Variants in LSS observed in about 807,000 individuals in gnomAD.
LSS encodes lanosterol synthase.
Under a neutral mutation model 110.3 loss-of-function variants are expected in LSS, and 90 were observed. The ratio of observed to expected loss-of-function variants is 0.82; its 90% CI spans 0.69 to 0.97. The LOEUF is 0.97. Among genes scored for constraint, LSS ranks in the 50% least tolerant of loss-of-function variants. The pLI, the probability that LSS is intolerant of heterozygous loss-of-function variation, is 0.00. For synonymous variants in LSS, 433 were observed against 400.0 expected (o/e 1.08, Z -0.98); for missense variants, 927 against 990.0 (o/e 0.94, Z 0.85).
Position 46,209,697 on chromosome 21 carries a change from T to C in LSS, c.1195-72A>G, listed in dbSNP as rs2080103840. On this transcript the variant is annotated intron_variant, in intron 12 of 21. Coordinates refer to ENST00000397728, the MANE Select transcript of LSS (RefSeq NM_002340.6). This position sits in a 1 kb window ranked among gnomAD's most constrained non-coding sequence, Gnocchi z 4.4. Reference sequence around the variant, plus strand: ...CAGCATGGCTGCGCTGGTTTCCCGATGGTCCTGGCCACATCCTGCCCCAAC... The same window carrying C: ...CAGCATGGCTGCGCTGGTTTCCCGACGGTCCTGGCCACATCCTGCCCCAAC... The C allele has an allele frequency of 2.2e-6, 3 of 1,376,104 alleles. No individual in the cohort carries two copies. Among genetic ancestry groups the C allele is most frequent in the Non-Finnish European group, 3.0e-6 (3 of 985,070 alleles). The allele number at this position is 1,376,104 out of a possible 1,614,324, so 85.2% of individuals were successfully genotyped here. A position where few individuals can be genotyped will look rare whatever the true frequency, so the allele number is the denominator to read the frequency against.
chr21:46,224,680 G>C (rs1296754458), intron 3 of LSS: 1 of 152,342 alleles, frequency 6.6e-6, no homozygotes, highest in Non-Finnish European at 1.5e-5. Context: ...GCCAGTAAAT[G>C]GTGGGGCTAG....
rs2080212061 is a variant in LSS at position 46,216,686 on chromosome 21, C to G, written c.648-162G>C. ...ATTTCCCAACCGTGCTCCTGAGGGG[C>G]ACAGTTGAACCATAGGTGCACCCTC... is the stretch of plus-strand genomic sequence containing the variant. On this transcript the variant is annotated intron_variant, in intron 6 of 21. Transcript: ENST00000397728. The surrounding 1 kb of genome is among the most constrained non-coding windows in gnomAD (Gnocchi z 4.2). 6.6e-6 allele frequency among the ~76,000 whole-genome samples: 1 copy of G among 152,174 alleles called. No individual in the cohort carries two copies. The highest frequency in any genetic ancestry group is 1.5e-5 in the Non-Finnish European group (1 of 68,042).
At position 46,209,623 on chromosome 21, in the gene LSS, C is replaced by T. The variant is rs767708407; in HGVS notation, c.1197G>A (p.Ala399=). The T allele has an allele frequency of 7.4e-5, 119 of 1,606,222 alleles. No homozygotes were observed. In the East Asian group the frequency reaches 2.4e-3, roughly 32 times the overall value. Residue 399 remains alanine, a splice_region_variant and synonymous_variant, in exon 13 of 22, where the codon GCG becomes GCA. Coordinates refer to ENST00000397728, the MANE Select transcript of LSS (RefSeq NM_002340.6). The surrounding 1 kb of genome is among the most constrained non-coding windows in gnomAD (Gnocchi z 4.4). ...AAAACTCGGGCCTGTGGTGCCCGCC[C>T]GCCTGGAAGAGACAGCAGGACAGAG... ...TAFAIQALLE[A]GGHHRPEFSS...
chr21:46,226,388 C>A (rs1216704021), intron 3 of LSS, among the ~76,000 whole-genome samples: 3 of 152,198 alleles, frequency 2.0e-5, no homozygotes, highest in Non-Finnish European at 4.4e-5. Flanking sequence ...TACCACGAGC[C>A]CTGAGAACAG....
rs564137512 is a variant in LSS at position 46,203,754 on chromosome 21, C to CA, written c.1670+2081dup. Among the ~76,000 whole-genome samples, 57 of 152,116 alleles carry CA rather than the reference C, an allele frequency of 3.7e-4. No individual in the cohort carries two copies. The East Asian group carries it at 0.01, about 28-fold the overall frequency. ...AAACCCCTGCTCCATCCACGGCTTC[C>CA]AAAAAAACCACACCAGAACATTCTC... On this transcript the variant is annotated intron_variant, in intron 17 of 21. Transcript: ENST00000397728.
chr21:46,197,076 C>T (rs1292341555), intron 17 of LSS, among the ~76,000 whole-genome samples: 2 of 152,256 alleles, frequency 1.3e-5, no homozygotes, highest in Non-Finnish European at 2.9e-5. Flanking sequence ...GCCTGGACTT[C>T]TGACACACAG....
intron 3 of LSS, among the ~76,000 whole-genome samples, chr21:46,226,135 C>CA (rs60505491): frequency 0.076 from 10,330 of 136,380 alleles, 372 homozygotes; most frequent in East Asian, 0.1. Context: ...AACGCTGTCT[C>CA]AAAAAAAAAA....
chr21:46,218,095 C>T (rs1227047354), intron 6 of LSS, among the ~76,000 whole-genome samples: 2 of 119,504 alleles, frequency 1.7e-5, no homozygotes, highest in East Asian at 5.5e-4. Context: ...CCTAACTTGA[C>T]CCCCCACCCC....
In LSS at chr21:46,222,147, T is replaced by C. The variant is rs2080287016; in HGVS notation, c.429-172A>G. 9.2e-6 allele frequency: 6 copies of C among 652,152 alleles called. No homozygotes were observed. In the South Asian group the frequency reaches 1.2e-4, roughly 13 times the overall value. 40.4% of individuals were successfully genotyped at this position (652,152 alleles called of 1,614,324 possible). The stretch of plus-strand genomic sequence containing the variant: ...GCAGCCACTCTGCAGTACGAATTCA[T>C]GCACCTCCCATGACAACTGAGCCCC... On this transcript the variant is annotated intron_variant, in intron 4 of 21. Coordinates refer to ENST00000397728, the MANE Select transcript of LSS (RefSeq NM_002340.6).
In LSS at chr21:46,188,486, C is replaced by A; in HGVS notation, c.*2618G>T. The A allele has an allele frequency of 9.5e-6, 3 of 314,700 alleles. No individual in the cohort carries two copies. Among genetic ancestry groups the A allele is most frequent in the South Asian group, 8.1e-5 (3 of 37,266 alleles). 19.5% of individuals were successfully genotyped at this position (314,700 alleles called of 1,614,324 possible). A position where few individuals can be genotyped will look rare whatever the true frequency, so the allele number is the denominator to read the frequency against. ...TTTTAATCACACTGAGGCAAATATC[C>A]CCCTCAGACAGAGGCTGCACCGGTA... On this transcript the variant is annotated 3_prime_UTR_variant, in exon 22 of 22. Coordinates refer to ENST00000397728, the MANE Select transcript of LSS (RefSeq NM_002340.6).
intron 6 of LSS, among the ~76,000 whole-genome samples, chr21:46,217,632 C>A (rs528145904): frequency 1.5e-4 from 23 of 152,280 alleles, no homozygotes; most frequent in East Asian, 1.9e-4. Context: ...CACCTCCCAA[C>A]CCACCCTCCA....
At chr21:46,226,250 C>T (rs2080338667) in intron 3 of LSS, among the ~76,000 whole-genome samples, 1 of 152,218 alleles carries the variant, frequency 6.6e-6, no homozygotes, top group South Asian at 2.1e-4. Flanking sequence ...GTAATCCCCA[C>T]TGACCAAGCA....
intron 20 of LSS, chr21:46,193,105 G>A (rs1217536183): frequency 4.5e-6 from 2 of 444,420 alleles, no homozygotes; most frequent in Admixed American, 2.5e-5. Context: ...GCATCTGCAT[G>A]TGTGTACACA....
rs374587643 is a variant in LSS, at chr21:46,189,082, C to G, written c.*2022G>C. 5.3e-5 allele frequency: 14 copies of G among 264,848 alleles called. No homozygotes were observed. The East Asian group carries it at 1.3e-3, about 25-fold the overall frequency. The allele number at this position is 264,848 out of a possible 1,614,324, so 16.4% of individuals were successfully genotyped here. On this transcript the variant is annotated 3_prime_UTR_variant, in exon 22 of 22. Coordinates refer to ENST00000397728, the MANE Select transcript of LSS (RefSeq NM_002340.6). The stretch of plus-strand genomic sequence containing the variant: ...CGTATGACAGCCAGAAACCCCAAAT[C>G]TGCAGTTCTCCCCAGGATGAAACGA...
intron 17 of LSS, among the ~76,000 whole-genome samples, chr21:46,199,040 C>T (rs1476268800): frequency 6.6e-6 from 1 of 152,032 alleles, no homozygotes; most frequent in Admixed American, 6.6e-5. Context: ...CATTGATAAG[C>T]TGGACTTCCT....
chr21:46,207,473 G>C lies in LSS; in HGVS notation c.1422C>G (p.Val474=). The C allele has an allele frequency of 6.2e-7, 1 of 1,612,528 alleles. No homozygotes were observed. Among genetic ancestry groups the C allele is most frequent in the Middle Eastern group, 1.6e-4 (1 of 6,062 alleles). The change falls in exon 15 of 22, where the codon GTC becomes GTG. Residue 474 remains valine (V), a synonymous_variant. Coordinates refer to ENST00000397728, the MANE Select transcript of LSS (RefSeq NM_002340.6). Reference sequence around the variant, plus strand: ...GCCGTTCTCTGGGGATGTGCTCGGTGACATGGGGACACTTCTCCTGCAGGA... The same window carrying C: ...GCCGTTCTCTGGGGATGTGCTCGGTCACATGGGGACACTTCTCCTGCAGGA... ...VLLLQEKCPH[V]TEHIPRERLC... is the part of the protein sequence containing the mutation.
intron 5 of LSS, among the ~76,000 whole-genome samples, chr21:46,220,844 G>A (rs887382467): frequency 4.0e-5 from 6 of 151,548 alleles, no homozygotes; most frequent in African/African-American, 1.5e-4. Flanking sequence ...ACAGCCTGGG[G>A]CTTGGAGAGG....
At chr21:46,191,831 C>T (rs767340869) in intron 21 of LSS, 50 bp downstream of exon 21, 24 of 1,499,300 alleles carry the variant, frequency 1.6e-5, no homozygotes, top group Middle Eastern at 1.7e-4. Context: ...CAGCCATGCA[C>T]GCTGGAGGTC....
chr21:46,219,416 G>T, intron 6 of LSS, 60 bp downstream of exon 6: 2 of 1,296,026 alleles, frequency 1.5e-6, no homozygotes, highest in Non-Finnish European at 1.1e-6. Context: ...CACGGTCCCT[G>T]TCACTCTACT....
Sources: gnomAD v4.1 joint callset for allele counts (sites outside exome capture counted in the v4.1 genomes callset) on GRCh38, gnomAD v4.1.1 for gene constraint, Gnocchi (gnomAD v3.1) non-coding constraint, MANE v1.5 for transcripts, NCBI Gene and HGNC (gene_info 2026-07-23, HGNC 2026-07-21) for gene names.